TERF1: variants seen among roughly 807,000 people sequenced by gnomAD.
TERF1 encodes the protein telomeric repeat-binding factor 1.
Under a neutral mutation model 55.1 loss-of-function variants are expected in TERF1, and 20 were observed. That is an observed-to-expected ratio of 0.36 (90% CI 0.26 to 0.53). The LOEUF is 0.53. TERF1 is among the 20% of genes least tolerant of loss of function. TERF1 has a pLI of 0.91. For missense variants in TERF1, 439 were observed against 535.7 expected, an observed-to-expected ratio of 0.82 and a Z score of 1.78; for synonymous variants, 168 against 181.2, an observed-to-expected ratio of 0.93 and a Z score of 0.59.
chr8:73,019,257 ATTATTTTGAAAATAAACTATAGT>A (rs894049044), intron 2 of TERF1, among the ~76,000 whole-genome samples: 3 of 152,204 alleles, frequency 2.0e-5, no homozygotes, highest in Non-Finnish European at 2.9e-5. Flanking sequence ...AAACATTAGC[ATTATTTTGAAAATAAACTATAGT>A]TTACCTGGAT....
At chr8:73,033,367 A>C (rs1036654941) in intron 8 of TERF1, among the ~76,000 whole-genome samples, 9 of 152,134 alleles carry the variant, frequency 5.9e-5, no homozygotes, top group African/African-American at 1.9e-4. Context: ...GACGGCTGGG[A>C]ATCATTTTAA....
chr8:73,018,947 A>T (rs933384615), intron 2 of TERF1: 2 of 152,226 alleles, frequency 1.3e-5, no homozygotes, highest in African/African-American at 4.8e-5. Flanking sequence ...GTTTCTTTTT[A>T]ATTAATGCAG....
At chr8:73,037,802 AATAT>A (rs1255651329) in intron 8 of TERF1, among the ~76,000 whole-genome samples, 1 of 99,458 alleles carries the variant, frequency 1.0e-5, no homozygotes, top group African/African-American at 4.4e-5. Context: ...ATAGTATAAT[AATAT>A]ATATATTATA....
At chr8:73,037,825 A>G (rs544225458) in intron 8 of TERF1, among the ~76,000 whole-genome samples, 1,978 of 104,250 alleles carry the variant, frequency 0.019, 74 homozygotes, top group African/African-American at 0.075. Context: ...TATATAATAT[A>G]TAGTATAATA....
At chr8:73,014,726 A>T (rs1033662640) in intron 2 of TERF1, among the ~76,000 whole-genome samples, 3 of 152,244 alleles carry the variant, frequency 2.0e-5, no homozygotes, top group Non-Finnish European at 4.4e-5. Flanking sequence ...CTGCTTGCTT[A>T]TTGAAGTGTT....
At chr8:73,022,424 G>A in intron 4 of TERF1, 122 bp downstream of exon 4, 1 of 515,128 alleles carries the variant, frequency 1.9e-6, no homozygotes, top group Non-Finnish European at 3.2e-6. Flanking sequence ...ATAATACCGT[G>A]CAACAGAAAA....
chr8:73,023,875 T>A (rs1035126975), intron 4 of TERF1, among the ~76,000 whole-genome samples: 24 of 152,224 alleles, frequency 1.6e-4, no homozygotes, highest in Non-Finnish European at 2.6e-4. Context: ...AATTGGTACT[T>A]CTTTGGGAGA....
At chr8:73,039,243 A>G (rs1272640421) in intron 9 of TERF1, 24 bp downstream of exon 9, 2 of 1,467,260 alleles carry the variant, frequency 1.4e-6, no homozygotes, top group Non-Finnish European at 9.4e-7. Context: ...TAAAATTCGA[A>G]TAACGCTTAT....
intron 1 of TERF1, among the ~76,000 whole-genome samples, chr8:73,013,434 A>C (rs1808358525): frequency 6.6e-6 from 1 of 152,206 alleles, no homozygotes; most frequent in African/African-American, 2.4e-5. Flanking sequence ...ATTGTATGTA[A>C]TCACTGCCTG....
At chr8:73,045,054 G>C (rs963934600) in intron 9 of TERF1, among the ~76,000 whole-genome samples, 1 of 152,128 alleles carries the variant, frequency 6.6e-6, no homozygotes, top group African/African-American at 2.4e-5. Context: ...AAGTGGAATT[G>C]CTGGATCATA....
intron 2 of TERF1, among the ~76,000 whole-genome samples, chr8:73,014,239 T>G (rs972626574): frequency 2.3e-4 from 1 of 4,376 alleles, no homozygotes; most frequent in Non-Finnish European, 3.7e-4. Flanking sequence ...CTTAAAGGGC[T>G]TATTAAAAAA....
At position 73,008,891 on chromosome 8, in the gene TERF1, C is replaced by CAT; in HGVS notation, c.5_6insAT (p.Glu3TrpfsTer114). ...TACCCAAGCGAGCCATTTAACATGG[C>CAT]GGAGGATGTTTCCTCAGCGGCCCCG... On this transcript the variant is annotated frameshift_variant, in exon 1 of 10. Coordinates refer to ENST00000276603, the MANE Select transcript of TERF1 (RefSeq NM_017489.3). LOFTEE classifies it high-confidence loss of function. 1 of 1,604,308 alleles carries CAT rather than the reference C, an allele frequency of 6.2e-7. No individual in the cohort carries two copies. The highest frequency in any genetic ancestry group is 8.5e-7 in the Non-Finnish European group (1 of 1,176,098).
At position 73,043,872 on chromosome 8, in the gene TERF1, A is replaced by G. The variant is rs528410586; in HGVS notation, c.1144-2089A>G. Among the ~76,000 whole-genome samples the G allele has an allele frequency of 3.3e-5, 5 of 152,352 alleles. No individual in the cohort carries two copies. In the South Asian group the frequency reaches 8.3e-4, roughly 25 times the overall value. ...ACCACAAACTACTTTTTAAAGCTGAATAACGTATATGGCAAGTTTTTGAAA... is the reference window on the plus strand; with the variant it reads ...ACCACAAACTACTTTTTAAAGCTGAGTAACGTATATGGCAAGTTTTTGAAA... On this transcript the variant is annotated intron_variant, in intron 9 of 9. Transcript: ENST00000276603.
At chr8:73,044,450 A>G (rs988489724) in intron 9 of TERF1, among the ~76,000 whole-genome samples, 1 of 152,176 alleles carries the variant, frequency 6.6e-6, no homozygotes, top group African/African-American at 2.4e-5. Flanking sequence ...GATGGTTCTC[A>G]TGTCATGTTT....
Position 73,035,815 on chromosome 8 carries a change from C to G in TERF1, c.1040-3301C>G, listed in dbSNP as rs561107721. Among the ~76,000 whole-genome samples, 34 of 152,264 alleles carry G rather than the reference C, an allele frequency of 2.2e-4. No homozygotes were observed. In the South Asian group the frequency reaches 6.6e-3, roughly 30 times the overall value. ...ATATATGTCAAAATCCCATATATGT[C>G]AACATCCCATGTTTGTAGTAGGGTA... On this transcript the variant is annotated intron_variant, in intron 8 of 9. Transcript: ENST00000276603.
chr8:73,012,930 C>G (rs1390348021), intron 1 of TERF1: 2 of 455,906 alleles, frequency 4.4e-6, no homozygotes, highest in East Asian at 6.9e-5. Flanking sequence ...AGTAGATGTT[C>G]AGTAAATATT....
intron 5 of TERF1, 80 bp downstream of exon 5, chr8:73,025,051 C>T: frequency 1.1e-6 from 1 of 896,460 alleles, no homozygotes; most frequent in Non-Finnish European, 1.6e-6. Flanking sequence ...AAATAGAAAT[C>T]CTTTAAAATT....
chr8:73,020,533 GAAAAT>G (rs1459401396), intron 2 of TERF1, 146 bp from the exon 3 acceptor site: 39 of 507,260 alleles, frequency 7.7e-5, no homozygotes, highest in Admixed American at 1.8e-4. Context: ...AATTAACTTA[GAAAAT>G]AAAATCACTT....
At chr8:73,010,743 A>T (rs1808248428) in intron 1 of TERF1, 1 of 152,238 alleles carries the variant, frequency 6.6e-6, no homozygotes, top group African/African-American at 2.4e-5. Context: ...AAGGAAGCTG[A>T]AACAGAACAA....
Sources: gnomAD v4.1 joint callset for allele counts (sites outside exome capture counted in the v4.1 genomes callset) on GRCh38, gnomAD v4.1.1 for gene constraint, MANE v1.5 for transcripts, NCBI Gene and HGNC (gene_info 2026-07-23, HGNC 2026-07-21) for gene names.